EAF2: variants seen among roughly 807,000 people sequenced by gnomAD.
EAF2 encodes the protein ELL associated factor 2.
A neutral mutation model predicts 29.4 loss-of-function variants in EAF2; 29 were observed. The ratio of observed to expected loss-of-function variants is 0.99; its 90% CI spans 0.73 to 1.35. EAF2 has a LOEUF of 1.35. EAF2 is among the 40% of genes most tolerant of loss of function. EAF2 has a pLI of 0.00. For missense variants in EAF2, 292 were observed against 312.0 expected (o/e 0.94, Z 0.48); for synonymous variants, 103 against 102.5 (o/e 1.00, Z -0.03).
rs1708291326 is a variant in EAF2 at position 121,836,545 on chromosome 3, A to G, written c.106+1154A>G. The G allele has an allele frequency of 1.4e-5, 11 of 784,534 alleles. No individual in the cohort carries two copies. In the South Asian group the frequency reaches 2.3e-4, roughly 17 times the overall value. The allele number at this position is 784,534 out of a possible 1,614,324, so 48.6% of individuals were successfully genotyped here. A position where few individuals can be genotyped will look rare whatever the true frequency, so the allele number is the denominator to read the frequency against. On this transcript the variant is annotated intron_variant, in intron 1 of 5. Coordinates refer to ENST00000273668, the MANE Select transcript of EAF2 (RefSeq NM_018456.6). ...AAAGGGTTTTTTTAAAGCAAAATTA[A>G]CATCCAATTGGTAGAATAAATGGGT...
At chr3:121,842,042 G>C (rs751608739) in intron 1 of EAF2, among the ~76,000 whole-genome samples, 1 of 151,700 alleles carries the variant, frequency 6.6e-6, no homozygotes, top group Non-Finnish European at 1.5e-5. Flanking sequence ...AAAATTTCCG[G>C]GTGTGGTGTC....
At chr3:121,844,425 A>T in intron 1 of EAF2, 28 bp from the exon 2 acceptor site, 1 of 1,373,820 alleles carries the variant, frequency 7.3e-7, no homozygotes, top group Non-Finnish European at 1.0e-6. Flanking sequence ...TACATTTTAC[A>T]AAAATTGGTA....
intron 2 of EAF2, among the ~76,000 whole-genome samples, chr3:121,847,306 G>A (rs1376180853): frequency 6.6e-6 from 1 of 152,212 alleles, no homozygotes; most frequent in Non-Finnish European, 1.5e-5. Context: ...AGGGTACAGG[G>A]AGGAGACATC....
chr3:121,876,488 G>C (rs1709098166), intron 5 of EAF2, among the ~76,000 whole-genome samples: 1 of 151,796 alleles, frequency 6.6e-6, no homozygotes. Flanking sequence ...TAAAATGTCA[G>C]GAAATTTGAT....
chr3:121,870,688 A>G (rs766533221), intron 4 of EAF2, among the ~76,000 whole-genome samples: 3 of 152,192 alleles, frequency 2.0e-5, no homozygotes, highest in Non-Finnish European at 4.4e-5. Flanking sequence ...AGAATTAGCT[A>G]TAAAGAACTC....
At chr3:121,874,252 G>A (rs1229917855) in intron 5 of EAF2, among the ~76,000 whole-genome samples, 1 of 151,854 alleles carries the variant, frequency 6.6e-6, no homozygotes, top group African/African-American at 2.4e-5. Flanking sequence ...AACTAAAGAA[G>A]GGAGAAGCCA....
chr3:121,864,583 A>T (rs1056367301), intron 4 of EAF2, among the ~76,000 whole-genome samples: 2 of 152,128 alleles, frequency 1.3e-5, no homozygotes, highest in Non-Finnish European at 2.9e-5. Flanking sequence ...TGGGAGGACA[A>T]GGCAGATGGA....
intron 1 of EAF2, 35 bp from the exon 2 acceptor site, chr3:121,844,418 A>G (rs1226687005): frequency 1.1e-5 from 14 of 1,288,354 alleles, no homozygotes; most frequent in South Asian, 2.5e-5. Context: ...ATATCATTAC[A>G]TTTTACAAAA....
chr3:121,863,609 C>T (rs1348493548), intron 4 of EAF2, among the ~76,000 whole-genome samples: 1 of 152,152 alleles, frequency 6.6e-6, no homozygotes, highest in African/African-American at 2.4e-5. Flanking sequence ...CACAGCTGCC[C>T]TTTGCTAGGA....
At chr3:121,878,073 A>G (rs1709131512) in intron 5 of EAF2, among the ~76,000 whole-genome samples, 1 of 152,212 alleles carries the variant, frequency 6.6e-6, no homozygotes, top group African/African-American at 2.4e-5. Context: ...AATAATATGG[A>G]TGAATAGAAG....
intron 4 of EAF2, among the ~76,000 whole-genome samples, chr3:121,860,391 T>G (rs965568198): frequency 6.6e-6 from 1 of 152,128 alleles, no homozygotes. Context: ...TCCTTGTTTA[T>G]TCTTGGGAGG....
chr3:121,862,772 C>G (rs1192503904), intron 4 of EAF2, among the ~76,000 whole-genome samples: 1 of 152,142 alleles, frequency 6.6e-6, no homozygotes, highest in Admixed American at 6.5e-5. Flanking sequence ...TTGGAATTTT[C>G]AGCTTTTCTG....
intron 4 of EAF2, among the ~76,000 whole-genome samples, chr3:121,868,643 A>G (rs975125032): frequency 2.7e-4 from 41 of 152,162 alleles, no homozygotes; most frequent in Admixed American, 2.0e-3. Context: ...TACATTAACA[A>G]TGATTAAAGT....
At chr3:121,867,482 G>T (rs1462683404) in intron 4 of EAF2, among the ~76,000 whole-genome samples, 4 of 152,194 alleles carry the variant, frequency 2.6e-5, no homozygotes, top group Non-Finnish European at 4.4e-5. Flanking sequence ...CCAGAAAGGA[G>T]TGGCATAATA....
At chr3:121,847,434 T>C (rs1436651836) in intron 2 of EAF2, among the ~76,000 whole-genome samples, 1 of 152,090 alleles carries the variant, frequency 6.6e-6, no homozygotes, top group Non-Finnish European at 1.5e-5. Flanking sequence ...AAAAGAAAGT[T>C]TGTTAAACAT....
intron 4 of EAF2, among the ~76,000 whole-genome samples, chr3:121,869,034 T>C (rs924489979): frequency 6.6e-6 from 1 of 152,214 alleles, no homozygotes; most frequent in Non-Finnish European, 1.5e-5. Context: ...CTGACCATAA[T>C]GGATTCAAAC....
intron 5 of EAF2, among the ~76,000 whole-genome samples, chr3:121,880,224 C>T (rs1369561924): frequency 6.6e-6 from 1 of 152,042 alleles, no homozygotes; most frequent in Non-Finnish European, 1.5e-5. Flanking sequence ...CTCACTGCAG[C>T]CTTGAACTCC....
chr3:121,843,488 TGGTTGGTG>T (rs1441972632), intron 1 of EAF2, among the ~76,000 whole-genome samples: 1 of 152,150 alleles, frequency 6.6e-6, no homozygotes, highest in Non-Finnish European at 1.5e-5. Context: ...TTTCTTGATT[TGGTTGGTG>T]GTTACATGTG....
Position 121,886,387 on chromosome 3 carries a change from G to T in EAF2, c.782G>T (p.Ter261LeuextTer4), listed in dbSNP as rs776714462. 83 of 1,457,690 alleles carry T rather than the reference G, an allele frequency of 5.7e-5. No homozygotes were observed. The highest frequency in any genetic ancestry group is 7.3e-5 in the Non-Finnish European group (80 of 1,096,520). 90.3% of individuals were successfully genotyped at this position (1,457,690 alleles called of 1,614,324 possible). Residue 261 changes from the stop codon to leucine, a stop_lost, in exon 6 of 6, where the codon TGA becomes TTA. Transcript: ENST00000273668. ...LSESGSDSDD* is the reference protein window; with the variant it reads ...LSESGSDSDDL ...GAATCAGGAAGTGACAGTGATGACT[G>T]AAGAAATATTTAGCTATAAATAAAA... is the stretch of plus-strand genomic sequence containing the variant.
Sources: gnomAD v4.1 joint callset for allele counts (sites outside exome capture counted in the v4.1 genomes callset) on GRCh38, gnomAD v4.1.1 for gene constraint, MANE v1.5 for transcripts, NCBI Gene and HGNC (gene_info 2026-07-23, HGNC 2026-07-21) for gene names.